SPTBN1: variants seen among roughly 807,000 people sequenced by gnomAD.
The protein encoded by SPTBN1 is spectrin beta, non-erythrocytic 1.
A neutral mutation model predicts 266.4 loss-of-function variants in SPTBN1; 32 were observed. That is an observed-to-expected ratio of 0.12 (90% CI 0.09 to 0.16). The LOEUF (loss-of-function observed/expected upper bound fraction) is 0.16, where lower values mean the gene tolerates loss of function less well. Ranked by LOEUF, SPTBN1 falls within the 10% of genes least tolerant of loss-of-function variation. The probability of loss-of-function intolerance (pLI) is 1.00; values close to 1 mark genes in which losing one functional copy is unlikely to be tolerated. For synonymous variants in SPTBN1, 1,336 were observed against 1,162.2 expected (o/e 1.15, Z -3.04); for missense variants, 2,296 against 3,067.1 (o/e 0.75, Z 5.94).
rs1186436567 is a variant in SPTBN1, at chr2:54,623,552, G to A, written c.1138G>A (p.Val380Ile). The change falls in exon 10 of 36, where the codon GTC becomes ATC. Residue 380 changes from valine to isoleucine, a missense_variant. Coordinates refer to ENST00000356805, the MANE Select transcript of SPTBN1 (RefSeq NM_003128.3). The part of the protein sequence containing the change: ...QSKMRANNQK[V>I]YMPREGKLIS... ...CAAGATGAGGGCCAACAACCAGAAG[G>A]TCTACATGCCCCGGGAGGGGAAGCT... The A allele has an allele frequency of 6.2e-7, 1 of 1,614,166 alleles. No individual in the cohort carries two copies. The highest frequency in any genetic ancestry group is 1.3e-5 in the African/African-American group (1 of 75,038).
intron 15 of SPTBN1, among the ~76,000 whole-genome samples, chr2:54,630,521 AC>A (rs1678659331): frequency 6.6e-6 from 1 of 152,146 alleles, no homozygotes; most frequent in African/African-American, 2.4e-5. Flanking sequence ...GATTTGGAAA[AC>A]GTTCATTAGG....
chr2:54,486,101 G>A (rs556397589), intron 1 of SPTBN1, among the ~76,000 whole-genome samples: 50 of 146,630 alleles, frequency 3.4e-4, no homozygotes, highest in Middle Eastern at 3.8e-3. Flanking sequence ...GGAGGTGGGG[G>A]GGTCAGCCCC....
chr2:54,500,868 C>A (rs1216177094), intron 1 of SPTBN1, among the ~76,000 whole-genome samples: 1 of 152,178 alleles, frequency 6.6e-6, no homozygotes, highest in Non-Finnish European at 1.5e-5. Context: ...TTGATGCTCA[C>A]TCATACCTGA....
intron 2 of SPTBN1, 107 bp from the exon 3 acceptor site, chr2:54,598,985 C>A: frequency 1.6e-6 from 2 of 1,285,006 alleles, no homozygotes; most frequent in Non-Finnish European, 2.2e-6. Flanking sequence ...CCTTGGAGGT[C>A]AGTTTTGCTG....
At chr2:54,597,866 C>CTTTT (rs531763576) in intron 2 of SPTBN1, among the ~76,000 whole-genome samples, 138 of 82,184 alleles carry the variant, frequency 1.7e-3, no homozygotes, top group East Asian at 3.5e-3. Flanking sequence ...GAGCTATCTG[C>CTTTT]TTTTTTTTTT....
intron 2 of SPTBN1, among the ~76,000 whole-genome samples, chr2:54,536,072 A>G (rs765010289): frequency 1.8e-4 from 28 of 152,216 alleles, no homozygotes; most frequent in Non-Finnish European, 1.2e-4. Context: ...CATTTCCCCA[A>G]ATGTGGTCAT....
chr2:54,607,957 T>G (rs991997319), intron 3 of SPTBN1, among the ~76,000 whole-genome samples: 4 of 152,216 alleles, frequency 2.6e-5, no homozygotes, highest in Non-Finnish European at 4.4e-5. Flanking sequence ...TAACCTTCCT[T>G]TCAGACGTTT....
intron 2 of SPTBN1, among the ~76,000 whole-genome samples, chr2:54,552,513 G>C (rs866014794): frequency 6.7e-6 from 1 of 149,870 alleles, no homozygotes; most frequent in Non-Finnish European, 1.5e-5. Flanking sequence ...CTGGAGTGCA[G>C]TGGCGCGATC....
In SPTBN1 at chr2:54,645,049, C is replaced by G; in HGVS notation, c.4270-180C>G. 5 of 621,106 alleles carry G rather than the reference C, an allele frequency of 8.1e-6. No individual in the cohort carries two copies. In the East Asian group the frequency reaches 8.4e-5, roughly 10 times the overall value. The allele number at this position is 621,106 out of a possible 1,614,324, so 38.5% of individuals were successfully genotyped here. ...GCTTTAAGGGCAAATGAATTTACCT[C>G]AGATTTACTTGAAAACAGTTCCATT... is the stretch of plus-strand genomic sequence containing the variant. On this transcript the variant is annotated intron_variant, in intron 20 of 35. Coordinates refer to ENST00000356805, the MANE Select transcript of SPTBN1 (RefSeq NM_003128.3). The surrounding 1 kb of genome is among the most constrained non-coding windows in gnomAD (Gnocchi z 4.3).
chr2:54,484,691 A>G (rs1668263918), intron 1 of SPTBN1, among the ~76,000 whole-genome samples: 1 of 152,176 alleles, frequency 6.6e-6, no homozygotes, highest in Non-Finnish European at 1.5e-5. Flanking sequence ...TTCAAAGGAC[A>G]AGTAGAGAAG....
Position 54,629,650 on chromosome 2 carries a change from G to A in SPTBN1, c.2516G>A (p.Arg839Gln), listed in dbSNP as rs768383859. The A allele has an allele frequency of 4.3e-6, 7 of 1,613,856 alleles. No individual in the cohort carries two copies. The highest frequency in any genetic ancestry group is 2.7e-5 in the African/African-American group (2 of 75,070). The part of the protein sequence containing the change: ...ERYKEVAELT[R>Q]LRKQALQDTL... ...TATAAGGAGGTGGCAGAGCTGACGC[G>A]GCTGCGGAAGCAGGCACTCCAGGAC... Residue 839 changes from arginine to glutamine, a missense_variant, in exon 14 of 36, where the codon CGG becomes CAG. Coordinates refer to ENST00000356805, the MANE Select transcript of SPTBN1 (RefSeq NM_003128.3).
chr2:54,582,469 C>T (rs1300266673), intron 2 of SPTBN1, among the ~76,000 whole-genome samples: 3 of 149,708 alleles, frequency 2.0e-5, no homozygotes, highest in Admixed American at 6.7e-5. Context: ...GAGGCTGAGG[C>T]AGGAGAATGG....
Position 54,629,129 on chromosome 2 carries a change from T to C in SPTBN1, c.1995T>C (p.Asp665=), listed in dbSNP as rs772596543. ...REKEKILSSD[D]YGKDLTSVMR... ...AGGAGAAGATCCTGTCCTCGGACGA[T>C]TACGGGAAAGACCTGACCAGCGTCA... Residue 665 remains aspartate (D), a synonymous_variant, in exon 14 of 36, where the codon GAT becomes GAC. Coordinates refer to ENST00000356805, the MANE Select transcript of SPTBN1 (RefSeq NM_003128.3). The C allele has an allele frequency of 1.2e-6, 2 of 1,613,618 alleles. No individual in the cohort carries two copies. Among genetic ancestry groups the C allele is most frequent in the Non-Finnish European group, 1.7e-6 (2 of 1,179,904 alleles).
At chr2:54,613,119 A>T (rs893491009) in intron 4 of SPTBN1, among the ~76,000 whole-genome samples, 1 of 152,216 alleles carries the variant, frequency 6.6e-6, no homozygotes, top group Non-Finnish European at 1.5e-5. Flanking sequence ...CACCACCACG[A>T]GCCTGATTAT....
intron 2 of SPTBN1, among the ~76,000 whole-genome samples, chr2:54,562,696 T>TTGTGTGTTTGTGTG (rs1553447727): frequency 8.2e-6 from 1 of 122,598 alleles, no homozygotes; most frequent in African/African-American, 3.6e-5. Context: ...AAACCCTGCT[T>TTGTGTGTTTGTGTG]TGTGTGTGTG....
chr2:54,527,587 A>C lies in SPTBN1; in HGVS notation c.148+1021A>C, dbSNP rs191148640. On this transcript the variant is annotated intron_variant, in intron 2 of 35. Transcript: ENST00000356805. ...TTAAGCAAGACTTACTCCTGGACTT[A>C]AATGGTGTGACCAGGATCTAGTTTC... is the stretch of plus-strand genomic sequence containing the variant. 1.1e-4 allele frequency: 17 copies of C among 152,278 alleles called. 1 individual carries two copies. In the East Asian group the frequency reaches 1.2e-3, roughly 10 times the overall value. 9.4% of individuals were successfully genotyped at this position (152,278 alleles called of 1,614,324 possible). A position where few individuals can be genotyped will look rare whatever the true frequency, so the allele number is the denominator to read the frequency against.
intron 2 of SPTBN1, among the ~76,000 whole-genome samples, chr2:54,579,549 A>G (rs932671158): frequency 1.3e-5 from 2 of 152,214 alleles, no homozygotes; most frequent in Non-Finnish European, 2.9e-5. Context: ...TGAACTGTGG[A>G]CAGACCAGAT....
At chr2:54,633,339 T>G (rs139007580) in intron 17 of SPTBN1, among the ~76,000 whole-genome samples, 17 of 152,360 alleles carry the variant, frequency 1.1e-4, no homozygotes, top group Non-Finnish European at 1.9e-4. Flanking sequence ...TATTTTCCTC[T>G]TCTGCCAGGG....
At chr2:54,551,087 A>G (rs1341609279) in intron 2 of SPTBN1, among the ~76,000 whole-genome samples, 1 of 152,192 alleles carries the variant, frequency 6.6e-6, no homozygotes, top group African/African-American at 2.4e-5. Flanking sequence ...TATTTTCACA[A>G]AGAATAGATT....
Sources: gnomAD v4.1 joint callset for allele counts (sites outside exome capture counted in the v4.1 genomes callset) on GRCh38, gnomAD v4.1.1 for gene constraint, Gnocchi (gnomAD v3.1) non-coding constraint, MANE v1.5 for transcripts, NCBI Gene and HGNC (gene_info 2026-07-23, HGNC 2026-07-21) for gene names.